Variants in EIF4G1 observed in about 807,000 individuals in gnomAD.
The protein encoded by EIF4G1 is EIF4-gamma.
Under a neutral mutation model 187.8 loss-of-function variants are expected in EIF4G1, and 4 were observed. That is an observed-to-expected ratio of 0.02 (90% confidence interval 0.01 to 0.05). The LOEUF (loss-of-function observed/expected upper bound fraction) is 0.05. Ranked by LOEUF, EIF4G1 falls within the 10% of genes least tolerant of loss-of-function variation. The pLI, the probability that EIF4G1 is intolerant of heterozygous loss-of-function variation, is 1.00. For synonymous variants in EIF4G1, 844 were observed against 781.4 expected, an observed-to-expected ratio of 1.08 and a Z score of -1.34; for missense variants, 1,647 against 2,081.1, an observed-to-expected ratio of 0.79 and a Z score of 4.06.
intron 6 of EIF4G1, among the ~76,000 whole-genome samples, chr3:184,318,575 A>G (rs1723195583): frequency 1.3e-5 from 2 of 152,178 alleles, no homozygotes; most frequent in African/African-American, 4.8e-5. Context: ...AACATAGTGA[A>G]GCTCCGTCTC....
chr3:184,315,822 G>GCCCCGCCCCCCCCCC lies in EIF4G1; in HGVS notation c.30_31insGCCCCCCCCCCCCCC (p.Pro10_Pro11insAlaProProProPro). 1.9e-6 allele frequency: 3 copies of GCCCCGCCCCCCCCCC among 1,544,492 alleles called. No homozygotes were observed. Among genetic ancestry groups the GCCCCGCCCCCCCCCC allele is most frequent in the South Asian group, 1.2e-5 (1 of 83,942 alleles). On this transcript the variant is annotated inframe_insertion, in exon 3 of 33. Transcript: ENST00000346169. ...ATGAACAAAGCTCCACAGTCCACAG[G>GCCCCGCCCCCCCCCC]CCCCCCACCCGCCCCATCCCCCGGA...
At chr3:184,326,167 C>CGT (rs1425741599) in intron 21 of EIF4G1, among the ~76,000 whole-genome samples, 1 of 152,034 alleles carries the variant, frequency 6.6e-6, no homozygotes, top group Non-Finnish European at 1.5e-5. Flanking sequence ...CACACACACA[C>CGT]ACGTGCCAGA....
intron 23 of EIF4G1, 30 bp downstream of exon 23, chr3:184,327,013 A>G (rs2108503854): frequency 1.2e-6 from 2 of 1,613,304 alleles, no homozygotes; most frequent in East Asian, 4.5e-5. Context: ...TTTGTTATTC[A>G]CACTGGGGGT....
In EIF4G1 at chr3:184,321,821, G is replaced by T; in HGVS notation, c.1237G>T (p.Val413Leu). The change falls in exon 10 of 33, where the codon GTG becomes TTG. Residue 413 changes from valine to leucine, a missense_variant. Val to Leu is a conservative substitution (Grantham distance 32). Coordinates refer to ENST00000346169, the MANE Select transcript of EIF4G1 (RefSeq NM_198241.3). ...CAACGGAGCCCCCTCGCCACCAGCT[G>T]TGGACTTAAGCCCAGTCAGTGAGCC... is the stretch of plus-strand genomic sequence containing the variant. ...LLNGAPSPPA[V>L]DLSPVSEPEE... 6.2e-7 allele frequency: 1 copy of T among 1,614,136 alleles called. No individual in the cohort carries two copies. Among genetic ancestry groups the T allele is most frequent in the Non-Finnish European group, 8.5e-7 (1 of 1,180,016 alleles).
At position 184,332,032 on chromosome 3, in the gene EIF4G1, C is replaced by T. The variant is rs1402440616; in HGVS notation, c.4564C>T (p.Leu1522=). ...QKYLCDEQKE[L]QALYALQALV... is the part of the protein sequence containing the mutation. ...ATACCTGTGTGACGAGCAGAAGGAG[C>T]TACAGGCGCTCTACGCCCTCCAGGC... is the stretch of plus-strand genomic sequence containing the variant. Residue 1522 remains leucine (L), a synonymous_variant, in exon 32 of 33, where the codon CTA becomes TTA. Coordinates refer to ENST00000346169, the MANE Select transcript of EIF4G1 (RefSeq NM_198241.3). 6 of 1,614,096 alleles carry T rather than the reference C, an allele frequency of 3.7e-6. No homozygotes were observed. Among genetic ancestry groups the T allele is most frequent in the Non-Finnish European group, 5.1e-6 (6 of 1,180,042 alleles).
At chr3:184,328,141 TG>T (rs1161773098) in intron 26 of EIF4G1, 139 bp downstream of exon 26, 4 of 1,013,274 alleles carry the variant, frequency 3.9e-6, no homozygotes, top group Non-Finnish European at 6.0e-6. Context: ...CCCTGCACTT[TG>T]GGAGGCCAAG....
At chr3:184,330,249 C>T (rs1032812248) in intron 28 of EIF4G1, among the ~76,000 whole-genome samples, 4 of 152,046 alleles carry the variant, frequency 2.6e-5, no homozygotes, top group African/African-American at 7.2e-5. Context: ...CATGGTGGTG[C>T]GCACCTGTAG....
chr3:184,316,956 A>G lies in EIF4G1; in HGVS notation c.148-365A>G, dbSNP rs1722907145. Among the ~76,000 whole-genome samples the G allele has an allele frequency of 2.0e-5, 3 of 152,062 alleles. No individual in the cohort carries two copies. In the South Asian group the frequency reaches 6.2e-4, roughly 32 times the overall value. On this transcript the variant is annotated intron_variant, in intron 4 of 32. Coordinates refer to ENST00000346169, the MANE Select transcript of EIF4G1 (RefSeq NM_198241.3). ...CATGTTATGGTTAGCTCCTCATTAC[A>G]TGCTGGTGGAGCAGTGCATGCTGGG...
rs569779719 is a variant in EIF4G1 at position 184,327,296 on chromosome 3, G to T, written c.3509G>T (p.Arg1170Leu). Residue 1170 changes from arginine (R) to leucine (L), a missense_variant, in exon 24 of 33, where the codon CGT (arginine) becomes CTT (leucine). Around this residue, in one of 11 missense-constraint regions of EIF4G1, gnomAD observed 543 missense variants for 638.0 expected, o/e 0.85. Coordinates refer to ENST00000346169, the MANE Select transcript of EIF4G1 (RefSeq NM_198241.3). ...GAGCGGAGTGAACGGGGAGGGGACCGTGGGGACCGGCTTGATCGTGCGCGG... is the reference window on the plus strand; with the variant it reads ...GAGCGGAGTGAACGGGGAGGGGACCTTGGGGACCGGCTTGATCGTGCGCGG... ...RLERSERGGDRGDRLDRARTP... is the reference protein window; with the variant it reads ...RLERSERGGDLGDRLDRARTP... 13 of 1,613,882 alleles carry T rather than the reference G, an allele frequency of 8.1e-6. No homozygotes were observed. The highest frequency in any genetic ancestry group is 4.0e-5 in the African/African-American group (3 of 75,076).
chr3:184,318,526 C>G (rs1315749771), intron 6 of EIF4G1, among the ~76,000 whole-genome samples: 1 of 152,036 alleles, frequency 6.6e-6, no homozygotes, highest in Non-Finnish European at 1.5e-5. Context: ...CCAAGACAGG[C>G]GGATCACTTG....
intron 6 of EIF4G1, among the ~76,000 whole-genome samples, chr3:184,319,467 T>TGTTTGTG (rs1560209601): frequency 8.9e-5 from 1 of 11,264 alleles, no homozygotes; most frequent in East Asian, 1.7e-3. Context: ...GTGTGTGTGT[T>TGTTTGTG]TGTGTGTGTG....
At chr3:184,332,857 G>A (rs1260459673) in intron 32 of EIF4G1, among the ~76,000 whole-genome samples, 2 of 152,252 alleles carry the variant, frequency 1.3e-5, no homozygotes, top group Non-Finnish European at 1.5e-5. Context: ...CGAAGAGAGG[G>A]ATGTGGGCCT....
chr3:184,321,063 G>C, intron 9 of EIF4G1, 70 bp downstream of exon 9: 2 of 1,571,862 alleles, frequency 1.3e-6, no homozygotes, highest in Non-Finnish European at 1.7e-6. Context: ...TGAGGTGGTG[G>C]AGTGACTTGA....
chr3:184,320,311 G>C, intron 7 of EIF4G1: 1 of 1,290,032 alleles, frequency 7.8e-7, no homozygotes, highest in East Asian at 3.8e-5. Flanking sequence ...AGCCGATTGG[G>C]TTCTAGATGG....
At position 184,327,612 on chromosome 3, in the gene EIF4G1, G is replaced by C; in HGVS notation, c.3688G>C (p.Val1230Leu). 1 of 1,614,184 alleles carries C rather than the reference G, an allele frequency of 6.2e-7. No individual in the cohort carries two copies. The highest frequency in any genetic ancestry group is 2.2e-5 in the East Asian group (1 of 44,880). The change falls in exon 25 of 33, where the codon GTG (valine) becomes CTG (leucine). Residue 1230 changes from valine to leucine, a missense_variant. By Grantham distance (32) the Val-to-Leu change is conservative (BLOSUM62 1). Transcript: ENST00000346169. ...GAAGCGAGAAGCTGCCCTACCCCCA[G>C]TGAGCCCCCTGAAGGCGGCTCTCTC... ...AVKREAALPPVSPLKAALSEE... is the reference protein window; with the variant it reads ...AVKREAALPPLSPLKAALSEE...
chr3:184,327,268 C>G lies in EIF4G1; in HGVS notation c.3481C>G (p.Leu1161Val), dbSNP rs1165835470. 2 of 1,613,532 alleles carry G rather than the reference C, an allele frequency of 1.2e-6. No individual in the cohort carries two copies. Among genetic ancestry groups the G allele is most frequent in the Non-Finnish European group, 1.7e-6 (2 of 1,180,058 alleles). ...GEKAGDRGDR[L>V]ERSERGGDRG... ...GAAAGCTGGAGACCGAGGAGACCGC[C>G]TAGAGCGGAGTGAACGGGGAGGGGA... Residue 1161 changes from leucine to valine, a missense_variant, in exon 24 of 33, where the codon CTA (leucine) becomes GTA (valine). Around this residue, in one of 11 missense-constraint regions of EIF4G1, gnomAD observed 543 missense variants for 638.0 expected, o/e 0.85. Transcript: ENST00000346169.
At position 184,319,683 on chromosome 3, in the gene EIF4G1, C is replaced by T. The variant is rs189006966; in HGVS notation, c.425-6C>T. ...CACCATTCTTCTCCGTCCCCCCTCC[C>T]CCAAGCTGGCGCCTACTATCCAGCC... is the stretch of plus-strand genomic sequence containing the variant. On this transcript the variant is annotated splice_region_variant and splice_polypyrimidine_tract_variant and intron_variant, in intron 6 of 32. Transcript: ENST00000346169. 12 of 1,570,868 alleles carry T rather than the reference C, an allele frequency of 7.6e-6. No homozygotes were observed. In the Admixed American group the frequency reaches 1.5e-4, roughly 19 times the overall value.
rs745838960 is a variant in EIF4G1, at chr3:184,320,972, G to A, written c.676G>A (p.Val226Ile). The change falls in exon 9 of 33, where the codon GTT becomes ATT. Residue 226 changes from valine to isoleucine, a missense_variant. Val to Ile is a conservative substitution (Grantham distance 29). This residue lies in a region of EIF4G1 where 522 missense variants were observed against 485.2 expected (regional missense o/e 1.08). Coordinates refer to ENST00000346169, the MANE Select transcript of EIF4G1 (RefSeq NM_198241.3). ...EPQANGETPQVAVIVRPDDRS... is the reference protein window; with the variant it reads ...EPQANGETPQIAVIVRPDDRS... ...TCAAGCTAATGGGGAGACGCCCCAG[G>A]TTGCTGTCATTGTCCGGCCAGGTAA... 5 of 1,614,142 alleles carry A rather than the reference G, an allele frequency of 3.1e-6. No homozygotes were observed. Among genetic ancestry groups the A allele is most frequent in the Non-Finnish European group, 4.2e-6 (5 of 1,180,026 alleles).
At chr3:184,328,610 G>C (rs1725432351) in intron 26 of EIF4G1, 21 bp from the exon 27 acceptor site, 1 of 1,613,972 alleles carries the variant, frequency 6.2e-7, no homozygotes, top group African/African-American at 1.3e-5. Flanking sequence ...AGAATGTCTT[G>C]ACTTTGAATT....
Sources: gnomAD v4.1 joint callset for allele counts (sites outside exome capture counted in the v4.1 genomes callset) on GRCh38, gnomAD v4.1.1 for gene constraint, gnomAD v4.1.1 regional missense constraint, MANE v1.5 for transcripts, NCBI Gene and HGNC (gene_info 2026-07-23, HGNC 2026-07-21) for gene names.